The following TRAPPC9 variants were observed in gnomAD, a reference collection of about 807,000 sequenced individuals.
TRAPPC9 encodes IKK2 binding protein.
A neutral mutation model predicts 124.0 loss-of-function variants in TRAPPC9; 83 were observed. The observed-to-expected ratio is 0.67, with a 90% confidence interval of 0.56 to 0.80. The LOEUF is 0.80. TRAPPC9 is among the 30% of genes least tolerant of loss of function. The pLI, the probability that TRAPPC9 is intolerant of heterozygous loss-of-function variation, is 0.00. For synonymous variants in TRAPPC9, 638 were observed against 617.5 expected, an observed-to-expected ratio of 1.03 and a Z score of -0.49; for missense variants, 1,302 against 1,508.3, an observed-to-expected ratio of 0.86 and a Z score of 2.27.
intron 18 of TRAPPC9, among the ~76,000 whole-genome samples, chr8:140,005,806 G>C (rs1838710018): frequency 6.6e-6 from 1 of 151,884 alleles, no homozygotes; most frequent in Non-Finnish European, 1.5e-5. Context: ...CAGCTACTTG[G>C]GAGGCTGAGG....
chr8:140,066,970 G>A (rs576830813), intron 17 of TRAPPC9, among the ~76,000 whole-genome samples: 2 of 152,326 alleles, frequency 1.3e-5, no homozygotes, highest in Admixed American at 6.5e-5. Flanking sequence ...CCAGCTGTAA[G>A]CTTAGGGAAA....
chr8:140,331,631 T>TCATCATCATCAC (rs1231879258), intron 9 of TRAPPC9, among the ~76,000 whole-genome samples: 3 of 151,746 alleles, frequency 2.0e-5, no homozygotes, highest in Non-Finnish European at 4.4e-5. Flanking sequence ...ATCATCATCA[T>TCATCATCATCAC]CATCATCATC....
intron 9 of TRAPPC9, among the ~76,000 whole-genome samples, chr8:140,339,562 A>ACC (rs1311563416): frequency 6.6e-6 from 1 of 152,132 alleles, no homozygotes; most frequent in Non-Finnish European, 1.5e-5. Flanking sequence ...ATAAAGTCTC[A>ACC]CCTCCCAACT....
At chr8:139,877,777 C>T (rs1203788495) in intron 21 of TRAPPC9, among the ~76,000 whole-genome samples, 1 of 152,184 alleles carries the variant, frequency 6.6e-6, no homozygotes, top group Non-Finnish European at 1.5e-5. Flanking sequence ...CTCTGCTGGG[C>T]TCCTGGGGGT....
chr8:140,014,899 T>C (rs1839366128), intron 18 of TRAPPC9, among the ~76,000 whole-genome samples: 1 of 152,068 alleles, frequency 6.6e-6, no homozygotes, highest in South Asian at 2.1e-4. Context: ...TAGCAGGCCG[T>C]GAATAAATAG....
intron 17 of TRAPPC9, among the ~76,000 whole-genome samples, chr8:140,058,614 T>A (rs1489724008): frequency 6.6e-6 from 1 of 152,030 alleles, no homozygotes; most frequent in South Asian, 2.1e-4. Context: ...GCAGGGAGCA[T>A]CCTGACGGAA....
At chr8:140,224,924 G>A (rs1024288556) in intron 16 of TRAPPC9, among the ~76,000 whole-genome samples, 1 of 152,144 alleles carries the variant, frequency 6.6e-6, no homozygotes, top group African/African-American at 2.4e-5. Context: ...CAGAGGGGTC[G>A]GGGCTGAGGT....
intron 18 of TRAPPC9, among the ~76,000 whole-genome samples, chr8:140,021,098 T>G (rs1839811171): frequency 6.6e-6 from 1 of 152,242 alleles, no homozygotes; most frequent in African/African-American, 2.4e-5. Flanking sequence ...CTATTTACGT[T>G]TAGTGTAACT....
At chr8:140,446,533 C>T (rs953845308) in intron 2 of TRAPPC9, among the ~76,000 whole-genome samples, 3 of 151,970 alleles carry the variant, frequency 2.0e-5, no homozygotes, top group African/African-American at 4.8e-5. Context: ...TCATAAGGGG[C>T]GCAAAAGACT....
At chr8:140,354,083 G>A (rs946523324) in intron 9 of TRAPPC9, among the ~76,000 whole-genome samples, 1 of 152,222 alleles carries the variant, frequency 6.6e-6, no homozygotes, top group Admixed American at 6.5e-5. Flanking sequence ...TTGGAGAACT[G>A]TCAACAATTT....
chr8:139,921,162 G>C (rs954947201), intron 19 of TRAPPC9, among the ~76,000 whole-genome samples: 1 of 152,236 alleles, frequency 6.6e-6, no homozygotes, highest in Admixed American at 6.5e-5. Context: ...CTCGGCTGTA[G>C]TCTCCTGAGG....
intron 19 of TRAPPC9, among the ~76,000 whole-genome samples, chr8:139,962,488 A>G (rs1401911724): frequency 1.6e-5 from 2 of 124,978 alleles, no homozygotes; most frequent in Admixed American, 8.4e-5. Context: ...TTTCAGTAGT[A>G]TCTATCATCC....
intron 20 of TRAPPC9, among the ~76,000 whole-genome samples, chr8:139,906,863 G>A (rs1161353230): frequency 6.6e-6 from 1 of 152,220 alleles, no homozygotes; most frequent in Admixed American, 6.5e-5. Flanking sequence ...TGTGGCCAGG[G>A]TGGCTTTCAA....
chr8:140,385,578 A>G (rs1172837780), intron 7 of TRAPPC9, among the ~76,000 whole-genome samples: 1 of 152,240 alleles, frequency 6.6e-6, no homozygotes, highest in Admixed American at 6.5e-5. Context: ...AGAAATGGAT[A>G]AATTCCTGGA....
At chr8:140,282,425 C>A (rs2065349920) in intron 14 of TRAPPC9, among the ~76,000 whole-genome samples, 1 of 151,794 alleles carries the variant, frequency 6.6e-6, no homozygotes, top group Non-Finnish European at 1.5e-5. Context: ...ATTGCTTGAA[C>A]CCGGGAGGTG....
chr8:140,229,760 G>A (rs1317089509), intron 16 of TRAPPC9, among the ~76,000 whole-genome samples: 1 of 151,744 alleles, frequency 6.6e-6, no homozygotes, highest in Non-Finnish European at 1.5e-5. Context: ...GTTTCACCAT[G>A]TTGGCCACAC....
intron 17 of TRAPPC9, among the ~76,000 whole-genome samples, chr8:140,215,692 C>T (rs1225279734): frequency 1.3e-5 from 2 of 151,712 alleles, no homozygotes; most frequent in Non-Finnish European, 2.9e-5. Flanking sequence ...CCTGACTCCA[C>T]CACCCACAGA....
At chr8:139,927,192 G>A (rs1374665306) in intron 19 of TRAPPC9, among the ~76,000 whole-genome samples, 1 of 152,102 alleles carries the variant, frequency 6.6e-6, no homozygotes, top group Admixed American at 6.5e-5. Flanking sequence ...GTGGAAGAAC[G>A]AGAACTCTCA....
rs2062219528 is a variant in TRAPPC9, at chr8:140,182,122, G to A, written c.2556+39337C>T. Among the ~76,000 whole-genome samples the A allele has an allele frequency of 6.6e-6, 1 of 152,112 alleles. No individual in the cohort carries two copies. The highest frequency in any genetic ancestry group is 1.9e-4 in the East Asian group (1 of 5,182). On this transcript the variant is annotated intron_variant, in intron 17 of 22. Coordinates refer to ENST00000438773, the MANE Select transcript of TRAPPC9 (RefSeq NM_001160372.4). This position sits in a 1 kb window ranked among gnomAD's most constrained non-coding sequence, Gnocchi z 4.0. ...GCTGGTTGGCAAAGTTTATCACAAG[G>A]AGGCACTTTGGCTTTAGTTTCTGTT... is the stretch of plus-strand genomic sequence containing the variant.
Sources: allele counts gnomAD v4.1 joint callset (sites outside exome capture counted in the v4.1 genomes callset), GRCh38; gene constraint gnomAD v4.1.1; non-coding constraint Gnocchi (gnomAD v3.1); transcripts MANE v1.5; gene names NCBI Gene and HGNC (gene_info 2026-07-23, HGNC 2026-07-21).